The following AGPAT5 variants were observed in gnomAD, a reference collection of about 807,000 sequenced individuals.
AGPAT5 encodes 1-acyl-sn-glycerol-3-phosphate acyltransferase epsilon.
A neutral mutation model predicts 45.6 loss-of-function variants in AGPAT5; 46 were observed. That is an observed-to-expected ratio of 1.01 (90% CI 0.80 to 1.29). AGPAT5 has a LOEUF of 1.29. Among genes scored for constraint, AGPAT5 ranks in the 50% most tolerant of loss-of-function variants. The pLI is 0.00. For missense variants in AGPAT5, 673 were observed against 450.7 expected (o/e 1.49, Z -4.47); for synonymous variants, 272 against 167.0 (o/e 1.63, Z -4.85).
chr8:6,724,323 T>C lies in AGPAT5; in HGVS notation c.220-547T>C, dbSNP rs565054678. ...GGGTTACTGCTTCCATTCGTTCTTATTCTCATGAACATTTTCCTTCATCTC... is the reference window on the plus strand; with the variant it reads ...GGGTTACTGCTTCCATTCGTTCTTACTCTCATGAACATTTTCCTTCATCTC... On this transcript the variant is annotated intron_variant, in intron 1 of 7. Coordinates refer to ENST00000285518, the MANE Select transcript of AGPAT5 (RefSeq NM_018361.5). 6.4e-4 allele frequency among the ~76,000 whole-genome samples: 98 copies of C among 152,336 alleles called. 2 individuals are homozygous for C. The highest frequency in any genetic ancestry group is 2.1e-4 in the South Asian group (1 of 4,822).
Position 6,715,263 on chromosome 8 carries a change from C to G in AGPAT5, c.219+6376C>G, listed in dbSNP as rs184346286. ...TAGGGGTTTGGAAAATCTTACTGAGCAAGTGACATTTGTGTGGAGCTCTGT... is the reference window on the plus strand; with the variant it reads ...TAGGGGTTTGGAAAATCTTACTGAGGAAGTGACATTTGTGTGGAGCTCTGT... On this transcript the variant is annotated intron_variant, in intron 1 of 7. Transcript: ENST00000285518. 3.3e-5 allele frequency among the ~76,000 whole-genome samples: 5 copies of G among 152,246 alleles called. No homozygotes were observed. The East Asian group carries it at 5.8e-4, about 18-fold the overall frequency.
At chr8:6,745,946 C>T (rs1395765764) in intron 5 of AGPAT5, 1 of 152,050 alleles carries the variant, frequency 6.6e-6, no homozygotes, top group African/African-American at 2.4e-5. Flanking sequence ...TCTCTCTCCC[C>T]CTTCTTTCTT....
intron 6 of AGPAT5, among the ~76,000 whole-genome samples, chr8:6,748,076 C>G (rs929983587): frequency 6.7e-6 from 1 of 149,946 alleles, no homozygotes; most frequent in South Asian, 2.3e-4. Context: ...CCTCTTTCTA[C>G]TCAAAGTTCA....
rs923332389 is a variant in AGPAT5 at position 6,728,562 on chromosome 8, A to T, written c.290-2149A>T. 5.3e-5 allele frequency among the ~76,000 whole-genome samples: 8 copies of T among 152,356 alleles called. No homozygotes were observed. In the South Asian group the frequency reaches 1.7e-3, roughly 32 times the overall value. On this transcript the variant is annotated intron_variant, in intron 2 of 7. Transcript: ENST00000285518. The stretch of plus-strand genomic sequence containing the variant: ...TCTCTTAAAAGTTCTTGGGAGGGGC[A>T]TGTGAGGCCATAATATAACCATAAA...
At chr8:6,742,025 T>C (rs1801259318) in intron 5 of AGPAT5, among the ~76,000 whole-genome samples, 1 of 152,170 alleles carries the variant, frequency 6.6e-6, no homozygotes, top group Admixed American at 6.5e-5. Flanking sequence ...TCTAAGTACA[T>C]GATTATGTAG....
At chr8:6,724,385 G>C (rs988890398) in intron 1 of AGPAT5, among the ~76,000 whole-genome samples, 4 of 151,972 alleles carry the variant, frequency 2.6e-5, no homozygotes, top group Non-Finnish European at 5.9e-5. Flanking sequence ...CTCCTGCTCT[G>C]CAGTTTACAG....
chr8:6,730,750 A>G lies in AGPAT5; in HGVS notation c.329A>G (p.Asn110Ser). The G allele has an allele frequency of 6.2e-7, 1 of 1,613,460 alleles. No homozygotes were observed. Among genetic ancestry groups the G allele is most frequent in the Non-Finnish European group, 8.5e-7 (1 of 1,179,504 alleles). The change falls in exon 3 of 8, where the codon AAT becomes AGT. Residue 110 changes from asparagine to serine, a missense_variant. Coordinates refer to ENST00000285518, the MANE Select transcript of AGPAT5 (RefSeq NM_018361.5). ...GCTGACATCTTGGCCATCAGGCAGA[A>G]TGCGCTAGGACATGTGCGCTACGTG... ...IVADILAIRQNALGHVRYVLK... is the reference protein window; with the variant it reads ...IVADILAIRQSALGHVRYVLK...
At chr8:6,718,364 G>T (rs1800400043) in intron 1 of AGPAT5, among the ~76,000 whole-genome samples, 1 of 152,208 alleles carries the variant, frequency 6.6e-6, no homozygotes, top group South Asian at 2.1e-4. Context: ...AGAGGACGCA[G>T]CTGTGATATG....
chr8:6,736,490 A>G (rs1801057319), intron 4 of AGPAT5, among the ~76,000 whole-genome samples: 1 of 152,226 alleles, frequency 6.6e-6, no homozygotes, highest in Admixed American at 6.5e-5. Context: ...GGGTTATTTC[A>G]GTGCCTAAAG....
intron 1 of AGPAT5, among the ~76,000 whole-genome samples, chr8:6,713,866 G>C (rs1200252705): frequency 6.6e-6 from 1 of 152,164 alleles, no homozygotes; most frequent in African/African-American, 2.4e-5. Flanking sequence ...ATTGTTCCAA[G>C]TTTCTCAGAA....
At chr8:6,721,022 GA>G (rs1800478907) in intron 1 of AGPAT5, among the ~76,000 whole-genome samples, 1 of 152,036 alleles carries the variant, frequency 6.6e-6, no homozygotes, top group African/African-American at 2.4e-5. Context: ...AAAGCAAAAG[GA>G]AAAAAAGAAC....
intron 7 of AGPAT5, among the ~76,000 whole-genome samples, chr8:6,755,840 A>G (rs12675881): frequency 0.019 from 2,904 of 152,368 alleles, 128 homozygotes; most frequent in Admixed American, 0.085. Context: ...TAGGTTAACA[A>G]TGAAACTTTA....
chr8:6,755,248 CA>C, intron 7 of AGPAT5, 74 bp downstream of exon 7: 1 of 1,428,938 alleles, frequency 7.0e-7, no homozygotes, highest in Non-Finnish European at 9.5e-7. Context: ...AATTTGAAAC[CA>C]ATGTAAATGG....
chr8:6,739,115 A>G (rs966213554), intron 4 of AGPAT5, among the ~76,000 whole-genome samples: 5 of 152,090 alleles, frequency 3.3e-5, no homozygotes, highest in African/African-American at 1.2e-4. Flanking sequence ...TTATCCCTAG[A>G]TCAATGGAGC....
intron 1 of AGPAT5, among the ~76,000 whole-genome samples, chr8:6,719,690 A>T (rs1800440313): frequency 6.6e-6 from 1 of 152,210 alleles, no homozygotes; most frequent in Non-Finnish European, 1.5e-5. Flanking sequence ...ACAAGCTAAG[A>T]AAAACTGTTG....
chr8:6,709,683 A>T (rs1351623326), intron 1 of AGPAT5: 1 of 151,762 alleles, frequency 6.6e-6, no homozygotes, highest in South Asian at 2.1e-4. Context: ...TTAGGGTGGC[A>T]TGGGGAAATG....
intron 6 of AGPAT5, among the ~76,000 whole-genome samples, chr8:6,754,661 G>T (rs1006139217): frequency 3.9e-5 from 6 of 152,178 alleles, no homozygotes; most frequent in African/African-American, 1.4e-4. Flanking sequence ...GACACACTAG[G>T]ATGGGGCTGG....
At position 6,753,108 on chromosome 8, in the gene AGPAT5, A is replaced by T. The variant is rs2980707; in HGVS notation, c.746-1943A>T. ...TAACATACTCAAAAGCATGCCGTAA[A>T]CACATTCTGAGCACATGTACGTTTT... On this transcript the variant is annotated intron_variant, in intron 6 of 7. Coordinates refer to ENST00000285518, the MANE Select transcript of AGPAT5 (RefSeq NM_018361.5). 6.4e-3 allele frequency among the ~76,000 whole-genome samples: 969 copies of T among 152,358 alleles called. 7 individuals are homozygous for T. Among genetic ancestry groups the T allele is most frequent in the African/African-American group, 0.021 (868 of 41,580 alleles).
chr8:6,760,323 A>G lies in AGPAT5; in HGVS notation c.*2935A>G, dbSNP rs976208304. ...TGAGGTGGGAGGATCGCTTCAGCCC[A>G]GGAGGTTGAGATTGCAGTGAGCCAT... is the stretch of plus-strand genomic sequence containing the variant. On this transcript the variant is annotated 3_prime_UTR_variant, in exon 8 of 8. Transcript: ENST00000285518. Among the ~76,000 whole-genome samples, 1 of 152,278 alleles carries G rather than the reference A, an allele frequency of 6.6e-6. No homozygotes were observed. Among genetic ancestry groups the G allele is most frequent in the African/African-American group, 2.4e-5 (1 of 41,558 alleles).
Sources: gnomAD v4.1 joint callset for allele counts (sites outside exome capture counted in the v4.1 genomes callset) on GRCh38, gnomAD v4.1.1 for gene constraint, MANE v1.5 for transcripts, NCBI Gene and HGNC (gene_info 2026-07-23, HGNC 2026-07-21) for gene names.